CEP55: variants seen among roughly 807,000 people sequenced by gnomAD.
CEP55 encodes centrosomal protein 55, also known as centrosomal protein of 55 kDa.
Under a neutral mutation model 63.2 loss-of-function variants are expected in CEP55, and 57 were observed. The observed-to-expected ratio is 0.90, with a 90% CI of 0.73 to 1.13. The LOEUF is 1.13. Among genes scored for constraint, CEP55 ranks in the 50% most tolerant of loss-of-function variants. CEP55 has a pLI of 0.00. For synonymous variants in CEP55, 178 were observed against 191.6 expected (o/e 0.93, Z 0.59); for missense variants, 456 against 518.9 (o/e 0.88, Z 1.18).
chr10:93,518,859 T>A lies in CEP55; in HGVS notation c.994-18T>A. 3.2e-6 allele frequency: 5 copies of A among 1,569,114 alleles called. No homozygotes were observed. The highest frequency in any genetic ancestry group is 4.4e-6 in the Non-Finnish European group (5 of 1,148,808). ...AAAGGTTGGATGTGACAGCATTGGT[T>A]CTCTTTATGTCCTACAGGTCCAGTT... On this transcript the variant is annotated intron_variant, in intron 6 of 8. Coordinates refer to ENST00000371485, the MANE Select transcript of CEP55 (RefSeq NM_018131.5).
At chr10:93,512,536 A>T (rs964068426) in intron 4 of CEP55, among the ~76,000 whole-genome samples, 1 of 138,990 alleles carries the variant, frequency 7.2e-6, no homozygotes, top group African/African-American at 2.6e-5. Flanking sequence ...AAAAAAAAAA[A>T]ATTTCATGAC....
intron 8 of CEP55, among the ~76,000 whole-genome samples, chr10:93,523,379 C>T (rs368576495): frequency 6.6e-6 from 1 of 152,094 alleles, no homozygotes; most frequent in Non-Finnish European, 1.5e-5. Context: ...AATTCAACAA[C>T]AAGAGCTAAC....
At position 93,503,345 on chromosome 10, in the gene CEP55, T is replaced by C. The variant is rs778732230; in HGVS notation, c.416T>C (p.Ile139Thr). 2.2e-5 allele frequency: 36 copies of C among 1,614,060 alleles called. No homozygotes were observed. The highest frequency in any genetic ancestry group is 5.0e-5 in the Admixed American group (3 of 60,002). The stretch of plus-strand genomic sequence containing the variant: ...CAGTTGTCTGCTGCAACCTCACGAA[T>C]TGCTGAACTTGAAAGCAAAACCAAT... The part of the protein sequence containing the change: ...KQQLSAATSR[I>T]AELESKTNTL... Residue 139 changes from isoleucine to threonine, a missense_variant, in exon 3 of 9, where the codon ATT becomes ACT. Coordinates refer to ENST00000371485, the MANE Select transcript of CEP55 (RefSeq NM_018131.5).
chr10:93,503,043 T>G, intron 2 of CEP55, 70 bp from the exon 3 acceptor site: 1 of 1,345,454 alleles, frequency 7.4e-7, no homozygotes, highest in Non-Finnish European at 1.0e-6. Context: ...AAATGCTTGT[T>G]GAAGTATATA....
chr10:93,527,600 T>C (rs1464714234), intron 8 of CEP55, among the ~76,000 whole-genome samples: 7 of 152,180 alleles, frequency 4.6e-5, no homozygotes, highest in African/African-American at 1.7e-4. Context: ...GTGCAGTGGT[T>C]CATGCCTGTA....
At chr10:93,516,114 A>G (rs1285898821) in intron 5 of CEP55, among the ~76,000 whole-genome samples, 2 of 152,200 alleles carry the variant, frequency 1.3e-5, no homozygotes, top group Non-Finnish European at 2.9e-5. Flanking sequence ...CATTTTACAG[A>G]TGAAGAAATA....
At chr10:93,500,301 TG>T in intron 2 of CEP55, 67 bp downstream of exon 2, 1 of 1,276,726 alleles carries the variant, frequency 7.8e-7, no homozygotes, top group African/African-American at 1.5e-5. Flanking sequence ...GATTTCCTGA[TG>T]CTACCTTCTT....
Position 93,517,176 on chromosome 10 carries a change from C to T in CEP55, c.921C>T (p.Leu307=). Residue 307 remains leucine, a synonymous_variant, in exon 6 of 9, where the codon CTC becomes CTT. Transcript: ENST00000371485. ...DRHKTEKIQK[L]REENDIARGK... ...ATAAAACAGAGAAGATACAAAAACTCAGGGAAGAGAATGATATTGCTAGGG... is the reference window on the plus strand; with the variant it reads ...ATAAAACAGAGAAGATACAAAAACTTAGGGAAGAGAATGATATTGCTAGGG... 6.2e-7 allele frequency: 1 copy of T among 1,613,514 alleles called. No individual in the cohort carries two copies. Among genetic ancestry groups the T allele is most frequent in the Non-Finnish European group, 8.5e-7 (1 of 1,179,732 alleles).
At chr10:93,510,507 T>A (rs900707104) in intron 4 of CEP55, 3 of 152,156 alleles carry the variant, frequency 2.0e-5, no homozygotes, top group African/African-American at 7.2e-5. Context: ...CACATATACA[T>A]GTAGTATTTT....
intron 6 of CEP55, among the ~76,000 whole-genome samples, chr10:93,518,639 G>T (rs1276126333): frequency 6.6e-6 from 1 of 152,234 alleles, no homozygotes; most frequent in East Asian, 1.9e-4. Flanking sequence ...GCAGAGTTCA[G>T]TGCTGTTTAT....
intron 4 of CEP55, chr10:93,510,487 C>T (rs1407682342): frequency 6.6e-6 from 1 of 152,136 alleles, no homozygotes; most frequent in Non-Finnish European, 1.5e-5. Flanking sequence ...TCTTTCAACC[C>T]TCACCCACAC....
Position 93,518,961 on chromosome 10 carries a change from G to A in CEP55, c.1065+13G>A, listed in dbSNP as rs759381755. The A allele has an allele frequency of 3.1e-6, 5 of 1,606,290 alleles. No homozygotes were observed. The highest frequency in any genetic ancestry group is 4.3e-6 in the Non-Finnish European group (5 of 1,172,926). On this transcript the variant is annotated intron_variant, in intron 7 of 8. Transcript: ENST00000371485. ...GTTGGAACAACAGGTACTCATTCGG[G>A]TTGCTTCTAAATTCAATTCTGCCTG... is the stretch of plus-strand genomic sequence containing the variant.
chr10:93,513,621 G>C lies in CEP55; in HGVS notation c.529-1784G>C, dbSNP rs773631369. 2.0e-5 allele frequency among the ~76,000 whole-genome samples: 3 copies of C among 152,140 alleles called. 1 individual carries two copies. Among genetic ancestry groups the C allele is most frequent in the Non-Finnish European group, 4.4e-5 (3 of 68,022 alleles). ...AGAAGAATTTTATCTATGCATAATA[G>C]ATCATTTTAAGAGCTACTGTGTTGT... On this transcript the variant is annotated intron_variant, in intron 4 of 8. Coordinates refer to ENST00000371485, the MANE Select transcript of CEP55 (RefSeq NM_018131.5).
chr10:93,506,036 A>T (rs1216290172), intron 3 of CEP55, among the ~76,000 whole-genome samples: 1 of 151,946 alleles, frequency 6.6e-6, no homozygotes, highest in Non-Finnish European at 1.5e-5. Context: ...GGCTCACTGC[A>T]ACCTCCTCCT....
chr10:93,512,905 C>A (rs2057767681), intron 4 of CEP55, among the ~76,000 whole-genome samples: 2 of 152,190 alleles, frequency 1.3e-5, no homozygotes, highest in Admixed American at 1.3e-4. Flanking sequence ...TTTTTCCCAA[C>A]TTTTATGATT....
chr10:93,507,226 T>C (rs1212640876), intron 4 of CEP55, among the ~76,000 whole-genome samples, 170 bp downstream of exon 4: 1 of 35,874 alleles, frequency 2.8e-5, no homozygotes, highest in South Asian at 1.3e-3. Flanking sequence ...GCATAGTCCC[T>C]TTTTTTTTTT....
intron 2 of CEP55, among the ~76,000 whole-genome samples, chr10:93,502,825 C>A (rs925296898): frequency 1.3e-5 from 2 of 152,184 alleles, no homozygotes; most frequent in Non-Finnish European, 2.9e-5. Context: ...CCTTCTTTAG[C>A]TTTTTCTCAC....
chr10:93,528,129 C>G lies in CEP55; in HGVS notation c.1371C>G (p.Val457=), dbSNP rs755422759. The change falls in exon 9 of 9, where the codon GTC becomes GTG. Residue 457 remains valine, a synonymous_variant. Coordinates refer to ENST00000371485, the MANE Select transcript of CEP55 (RefSeq NM_018131.5). ...YPATEHRDLL[V]HVEYCSK ...CCACTGAGCATCGCGATCTGCTTGT[C>G]CATGTGGAATACTGTTCAAAGTAGC... is the stretch of plus-strand genomic sequence containing the variant. 53 of 1,613,796 alleles carry G rather than the reference C, an allele frequency of 3.3e-5. No individual in the cohort carries two copies. The highest frequency in any genetic ancestry group is 4.0e-5 in the African/African-American group (3 of 74,900).
chr10:93,503,448 T>G lies in CEP55; in HGVS notation c.459+60T>G. On this transcript the variant is annotated intron_variant, in intron 3 of 8. Coordinates refer to ENST00000371485, the MANE Select transcript of CEP55 (RefSeq NM_018131.5). ...TTCTTTCTGATACAGTTTGTAATTC[T>G]TAGGAGGAATGAGTTTGTTAAGACA... The G allele has an allele frequency of 1.2e-5, 18 of 1,483,792 alleles. No individual in the cohort carries two copies. In the South Asian group the frequency reaches 2.3e-4, roughly 19 times the overall value. 91.9% of individuals were successfully genotyped at this position (1,483,792 alleles called of 1,614,324 possible).
Sources: allele counts gnomAD v4.1 joint callset (sites outside exome capture counted in the v4.1 genomes callset), GRCh38; gene constraint gnomAD v4.1.1; transcripts MANE v1.5; gene names NCBI Gene and HGNC (gene_info 2026-07-23, HGNC 2026-07-21).